PHC1: variants seen among roughly 807,000 people sequenced by gnomAD.
The protein encoded by PHC1 is polyhomeotic-like protein 1.
PHC1 carries 12 observed loss-of-function variants against 104.3 expected under a neutral mutation model. That is an observed-to-expected ratio of 0.12 (90% CI 0.07 to 0.19). PHC1 has a LOEUF of 0.19. Among genes scored for constraint, PHC1 ranks in the 10% least tolerant of loss-of-function variants. PHC1 has a pLI of 1.00. For missense variants in PHC1, 671 were observed against 1,200.0 expected, an observed-to-expected ratio of 0.56 and a Z score of 6.51; for synonymous variants, 302 against 455.8, an observed-to-expected ratio of 0.66 and a Z score of 4.30.
chr12:8,935,346 C>A, intron 11 of PHC1, 108 bp downstream of exon 11: 1 of 628,598 alleles, frequency 1.6e-6, no homozygotes, highest in Non-Finnish European at 2.7e-6. Flanking sequence ...AGAAATGAGG[C>A]CTGGCACAGT....
rs1391777620 is a variant in PHC1, at chr12:8,914,718, AG to A, written c.-157del. ...TCCAGGAAGGGGAGGAGGCGAGGGGAGCCCGCCGCGGAGGCCGAGCGAGCCC... is the reference window on the plus strand; with the variant it reads ...TCCAGGAAGGGGAGGAGGCGAGGGGACCCGCCGCGGAGGCCGAGCGAGCCC... On this transcript the variant is annotated 5_prime_UTR_variant, in exon 1 of 15. Coordinates refer to ENST00000544916, the MANE Select transcript of PHC1 (RefSeq NM_004426.3). 6.6e-6 allele frequency: 1 copy of A among 151,322 alleles called. No individual in the cohort carries two copies. The highest frequency in any genetic ancestry group is 1.5e-5 in the Non-Finnish European group (1 of 67,808). 9.4% of individuals were successfully genotyped at this position (151,322 alleles called of 1,614,324 possible).
chr12:8,933,737 C>T (rs1043880078), intron 8 of PHC1, 128 bp from the exon 9 acceptor site: 41 of 720,948 alleles, frequency 5.7e-5, no homozygotes, highest in Non-Finnish European at 2.5e-5. Flanking sequence ...TTTAGTGTAC[C>T]ATGGGAAGTA....
intron 8 of PHC1, 123 bp downstream of exon 8, chr12:8,933,473 C>T: frequency 1.7e-6 from 2 of 1,173,482 alleles, no homozygotes; most frequent in Non-Finnish European, 2.3e-6. Flanking sequence ...TGGTATTTAT[C>T]TGCTTCTTCT....
Position 8,937,869 on chromosome 12 carries a change from A to G in PHC1, c.2669A>G (p.Tyr890Cys), listed in dbSNP as rs908436874. ...AGCCGGGGTTCAGATAATTCCAGTT[A>G]TGATGAAGCACTCTCTCCAACATCT... ...DSSRGSDNSS[Y>C]DEALSPTSPG... The change falls in exon 14 of 15, where the codon TAT becomes TGT. Residue 890 changes from tyrosine (Y) to cysteine (C), a missense_variant. Transcript: ENST00000544916. 1 of 1,613,270 alleles carries G rather than the reference A, an allele frequency of 6.2e-7. No individual in the cohort carries two copies.
intron 8 of PHC1, 128 bp downstream of exon 8, chr12:8,933,478 T>G (rs970138171): frequency 3.5e-5 from 41 of 1,168,168 alleles, no homozygotes; most frequent in East Asian, 2.9e-4. Context: ...TTTATCTGCT[T>G]CTTCTGTAAG....
intron 1 of PHC1, among the ~76,000 whole-genome samples, chr12:8,916,514 A>AAACTTTTTTTTT (rs1945205103): frequency 6.6e-6 from 1 of 152,162 alleles, no homozygotes; most frequent in Non-Finnish European, 1.5e-5. Flanking sequence ...AAAAACAAAA[A>AAACTTTTTTTTT]AAAAGAATGA....
Position 8,930,888 on chromosome 12 carries a change from A to G in PHC1, c.1066A>G (p.Thr356Ala). 6.3e-7 allele frequency: 1 copy of G among 1,590,308 alleles called. No homozygotes were observed. Among genetic ancestry groups the G allele is most frequent in the South Asian group, 1.2e-5 (1 of 85,836 alleles). Residue 356 changes from threonine (T) to alanine (A), a missense_variant, in exon 7 of 15, where the codon ACA becomes GCA. Around this residue, in one of 9 missense-constraint regions of PHC1, gnomAD observed 78 missense variants for 140.8 expected, o/e 0.55. Transcript: ENST00000544916. ...QQNVGMNLTR[T>A]ATPAPSQTLI... ...GAATGTGGGCATGAACCTGACACGGACAGCCACACCTGCGCCCAGCCAGAC... is the reference window on the plus strand; with the variant it reads ...GAATGTGGGCATGAACCTGACACGGGCAGCCACACCTGCGCCCAGCCAGAC...
chr12:8,923,375 C>A (rs1465425088), intron 6 of PHC1, among the ~76,000 whole-genome samples: 5 of 152,114 alleles, frequency 3.3e-5, no homozygotes, highest in Admixed American at 6.6e-5. Context: ...TAGGATCTTA[C>A]GATAATTATT....
chr12:8,914,168 C>G (rs1433081500), upstream of PHC1, among the ~76,000 whole-genome samples: 4 of 152,058 alleles, frequency 2.6e-5, no homozygotes, highest in Admixed American at 6.5e-5. Flanking sequence ...TCTTTCTCCC[C>G]GTCTCACGTC....
Position 8,920,974 on chromosome 12 carries a change from C to T in PHC1, c.226-11C>T, listed in dbSNP as rs756180231. 8 of 1,601,878 alleles carry T rather than the reference C, an allele frequency of 5.0e-6. No homozygotes were observed. The African/African-American group carries it at 8.1e-5, about 16-fold the overall frequency. On this transcript the variant is annotated splice_polypyrimidine_tract_variant and intron_variant, in intron 3 of 14. Coordinates refer to ENST00000544916, the MANE Select transcript of PHC1 (RefSeq NM_004426.3). ...TCTTTGCTATTTCTTGTTTCCCTTC[C>T]CCTTTAATAGGCCACAATTGCTGCC...
chr12:8,921,141 G>C (rs1043887845), intron 4 of PHC1, 76 bp downstream of exon 4: 42 of 1,095,316 alleles, frequency 3.8e-5, no homozygotes, highest in Non-Finnish European at 5.2e-5. Flanking sequence ...TTGTGCCGCT[G>C]ATCTGAGAGT....
rs1565521953 is a variant in PHC1, at chr12:8,933,849, ATTC to A, written c.1894-13_1894-11del. 4 of 1,605,960 alleles carry A rather than the reference ATTC, an allele frequency of 2.5e-6. No homozygotes were observed. Among genetic ancestry groups the A allele is most frequent in the Admixed American group, 1.7e-5 (1 of 59,716 alleles). On this transcript the variant is annotated splice_polypyrimidine_tract_variant and intron_variant, in intron 8 of 14. Transcript: ENST00000544916. Reference sequence around the variant, plus strand: ...ATTTGTACATCTTTGTTTCTTTCCTATTCTTTACGGTATAGGGTAAACCCCAGA... The same window carrying A: ...ATTTGTACATCTTTGTTTCTTTCCTATTTACGGTATAGGGTAAACCCCAGA...
At chr12:8,923,021 C>CT (rs1406178416) in intron 6 of PHC1, among the ~76,000 whole-genome samples, 7 of 152,162 alleles carry the variant, frequency 4.6e-5, no homozygotes, top group Admixed American at 4.6e-4. Context: ...TCTGGGAAGT[C>CT]TTATTTTCAA....
intron 5 of PHC1, among the ~76,000 whole-genome samples, 197 bp from the exon 6 acceptor site, chr12:8,922,436 T>C (rs1230594342): frequency 1.3e-5 from 2 of 152,220 alleles, no homozygotes. Context: ...ATCTGTAGTT[T>C]TCTATGCATT....
At chr12:8,927,900 TCTTTCTTTC>T (rs1565517541) in intron 6 of PHC1, among the ~76,000 whole-genome samples, 2 of 115,828 alleles carry the variant, frequency 1.7e-5, no homozygotes, top group African/African-American at 8.2e-5. Context: ...TTTCTTTCTT[TCTTTCTTTC>T]TTTCTTTTTT....
chr12:8,919,928 G>T lies in PHC1; in HGVS notation c.225+62G>T. 1 of 1,564,736 alleles carries T rather than the reference G, an allele frequency of 6.4e-7. No homozygotes were observed. The highest frequency in any genetic ancestry group is 1.4e-5 in the African/African-American group (1 of 74,006). On this transcript the variant is annotated intron_variant, in intron 3 of 14. Transcript: ENST00000544916. This position sits in a 1 kb window ranked among gnomAD's most constrained non-coding sequence, Gnocchi z 4.9. ...GGACAGGCACTACAGGTGGGTAGGG[G>T]AGATTTTTTGGGCATATAGCATCCT...
intron 11 of PHC1, among the ~76,000 whole-genome samples, chr12:8,936,555 C>T (rs775865184): frequency 3.3e-5 from 5 of 152,202 alleles, no homozygotes; most frequent in South Asian, 2.1e-4. Flanking sequence ...TTAGTAGTTC[C>T]TCTCTCCTCA....
chr12:8,934,157 G>C, intron 9 of PHC1, 110 bp from the exon 10 acceptor site: 1 of 1,296,996 alleles, frequency 7.7e-7, no homozygotes. Context: ...GAATCCAGGT[G>C]AATTGTCAAG....
rs768095941 is a variant in PHC1, at chr12:8,933,342, C to T, written c.1885C>T (p.His629Tyr). The T allele has an allele frequency of 1.9e-5, 30 of 1,553,838 alleles. No individual in the cohort carries two copies. The highest frequency in any genetic ancestry group is 2.5e-5 in the Non-Finnish European group (29 of 1,142,440). ...VPAAFYMQSVHLPGKPQTLAV... is the reference protein window; with the variant it reads ...VPAAFYMQSVYLPGKPQTLAV... ...TGCTGCCTTCTATATGCAGTCTGTG[C>T]ACTTGCCGGTGAGTGATGTCTGATG... Residue 629 changes from histidine to tyrosine, a missense_variant, in exon 8 of 15, where the codon CAC (histidine) becomes TAC (tyrosine). Coordinates refer to ENST00000544916, the MANE Select transcript of PHC1 (RefSeq NM_004426.3).
Sources: gnomAD v4.1 joint callset for allele counts (sites outside exome capture counted in the v4.1 genomes callset) on GRCh38, gnomAD v4.1.1 for gene constraint, gnomAD v4.1.1 regional missense constraint, Gnocchi (gnomAD v3.1) non-coding constraint, MANE v1.5 for transcripts, NCBI Gene and HGNC (gene_info 2026-07-23, HGNC 2026-07-21) for gene names.